The following SPATA17 variants were observed in gnomAD, a reference collection of about 807,000 sequenced individuals.
The protein encoded by SPATA17 is spermatogenesis-associated protein 17.
SPATA17 carries 53 observed loss-of-function variants against 62.2 expected under a neutral mutation model. The observed-to-expected ratio is 0.85, with a 90% CI of 0.68 to 1.07. The LOEUF is 1.07. Ranked by LOEUF, SPATA17 falls within the 50% of genes least tolerant of loss-of-function variation. The pLI, the probability that SPATA17 is intolerant of heterozygous loss-of-function variation, is 0.00. For missense variants in SPATA17, 466 were observed against 425.5 expected (o/e 1.10, Z -0.84); for synonymous variants, 146 against 146.8 (o/e 0.99, Z 0.04).
At chr1:217,664,289 CTTTT>C (rs34166363) in intron 3 of SPATA17, among the ~76,000 whole-genome samples, 12 of 75,794 alleles carry the variant, frequency 1.6e-4, no homozygotes, top group Admixed American at 2.9e-4. Flanking sequence ...TGTTAAAAAT[CTTTT>C]TTTTTTTTTT....
intron 5 of SPATA17, among the ~76,000 whole-genome samples, chr1:217,735,456 A>G (rs540569141): frequency 7.5e-4 from 114 of 152,206 alleles, no homozygotes; most frequent in African/African-American, 2.6e-3. Flanking sequence ...CAAAGGCCCC[A>G]CCTCCAAATG....
chr1:217,723,304 G>A (rs920738386), intron 5 of SPATA17, among the ~76,000 whole-genome samples: 4 of 152,112 alleles, frequency 2.6e-5, no homozygotes, highest in African/African-American at 7.2e-5. Flanking sequence ...GAATACATGT[G>A]TTGGGTCCCC....
intron 1 of SPATA17, among the ~76,000 whole-genome samples, chr1:217,633,607 T>C (rs568204544): frequency 4.6e-5 from 7 of 152,312 alleles, no homozygotes; most frequent in African/African-American, 1.7e-4. Flanking sequence ...AACAAAATTT[T>C]CTTCCCATTA....
At chr1:217,853,700 T>G (rs1303837002) in intron 9 of SPATA17, among the ~76,000 whole-genome samples, 1 of 152,174 alleles carries the variant, frequency 6.6e-6, no homozygotes, top group Non-Finnish European at 1.5e-5. Flanking sequence ...TGGTCAACAT[T>G]TTTGCCAACC....
At position 217,774,356 on chromosome 1, in the gene SPATA17, C is replaced by G; in HGVS notation, c.542C>G (p.Pro181Arg). 1.2e-6 allele frequency: 2 copies of G among 1,613,662 alleles called. No homozygotes were observed. Among genetic ancestry groups the G allele is most frequent in the Non-Finnish European group, 1.7e-6 (2 of 1,179,806 alleles). ...TAGATTCCAGGAATATACAATTCAC[C>G]CTTCAGAAAAGAGCCTGATCCATGG... Reference protein sequence around the residue: ...TKQIPGIYNSPFRKEPDPWEL... With the variant: ...TKQIPGIYNSRFRKEPDPWEL... Residue 181 changes from proline to arginine, a missense_variant, in exon 7 of 11, where the codon CCC becomes CGC. Coordinates refer to ENST00000366933, the MANE Select transcript of SPATA17 (RefSeq NM_138796.4).
At chr1:217,849,003 C>A (rs1414601357) in intron 9 of SPATA17, among the ~76,000 whole-genome samples, 1 of 152,032 alleles carries the variant, frequency 6.6e-6, no homozygotes, top group Non-Finnish European at 1.5e-5. Context: ...TTTAAAATAG[C>A]AGCTTGTACT....
chr1:217,764,291 G>C (rs1470134764), intron 6 of SPATA17, among the ~76,000 whole-genome samples: 1 of 152,074 alleles, frequency 6.6e-6, no homozygotes, highest in East Asian at 1.9e-4. Context: ...TTTACTATCT[G>C]TCTCCAGAGT....
intron 5 of SPATA17, among the ~76,000 whole-genome samples, chr1:217,689,130 C>A (rs748101639): frequency 2.7e-4 from 40 of 150,734 alleles, no homozygotes; most frequent in African/African-American, 9.5e-4. Context: ...ATGATTAACA[C>A]GGTAGATTCG....
At chr1:217,851,351 G>A (rs1350808865) in intron 9 of SPATA17, among the ~76,000 whole-genome samples, 1 of 151,680 alleles carries the variant, frequency 6.6e-6, no homozygotes, top group Non-Finnish European at 1.5e-5. Flanking sequence ...GAGTAAGAAA[G>A]CTCCAGGTTC....
chr1:217,719,619 T>C lies in SPATA17; in HGVS notation c.396-22356T>C, dbSNP rs4271274. ...AGTCAGGAGACAAAATCCACACCAG[T>C]AATTTGAACTGAGAAAATATAATAT... On this transcript the variant is annotated intron_variant, in intron 5 of 10. Coordinates refer to ENST00000366933, the MANE Select transcript of SPATA17 (RefSeq NM_138796.4). 2.8e-3 allele frequency among the ~76,000 whole-genome samples: 428 copies of C among 152,310 alleles called. 2 individuals carry two copies. The highest frequency in any genetic ancestry group is 0.01 in the African/African-American group (419 of 41,572).
rs1399640751 is a variant in SPATA17 at position 217,648,912 on chromosome 1, T to G, written c.99T>G (p.Asn33Lys). 6.2e-7 allele frequency: 1 copy of G among 1,609,610 alleles called. No homozygotes were observed. The highest frequency in any genetic ancestry group is 2.2e-5 in the East Asian group (1 of 44,614). ...TAGATCCATTTAGAAAAAAGGAGAA[T>G]GATGCAGCAGTTAAAATCCAAAGCT... is the stretch of plus-strand genomic sequence containing the variant. ...SVVDPFRKKE[N>K]DAAVKIQSWF... Residue 33 changes from asparagine (N) to lysine (K), a missense_variant, in exon 2 of 11, where the codon AAT becomes AAG. Physicochemically the swap from Asn to Lys is moderately conservative, Grantham distance 94. Transcript: ENST00000366933.
At chr1:217,701,787 A>G (rs540558189) in intron 5 of SPATA17, among the ~76,000 whole-genome samples, 1 of 151,992 alleles carries the variant, frequency 6.6e-6, no homozygotes, top group South Asian at 2.1e-4. Context: ...TATTTTCTTT[A>G]TACTCTTTCG....
chr1:217,746,583 C>G (rs11586629), intron 6 of SPATA17, among the ~76,000 whole-genome samples: 80,950 of 150,956 alleles, frequency 0.54, 22,608 homozygotes, highest in Non-Finnish European at 0.62. Flanking sequence ...AATAATTTTA[C>G]GATGATTATG....
At chr1:217,705,543 C>T (rs1397071642) in intron 5 of SPATA17, among the ~76,000 whole-genome samples, 1 of 137,136 alleles carries the variant, frequency 7.3e-6, no homozygotes, top group East Asian at 2.3e-4. Flanking sequence ...CAGGTTCAAG[C>T]AATTCTCCTG....
intron 5 of SPATA17, among the ~76,000 whole-genome samples, chr1:217,690,048 G>T (rs1330027135): frequency 6.6e-6 from 1 of 151,930 alleles, no homozygotes; most frequent in East Asian, 1.9e-4. Context: ...GCTGACAGGT[G>T]TGCGCCACCA....
chr1:217,798,980 G>A (rs1447056492), intron 8 of SPATA17, among the ~76,000 whole-genome samples: 2 of 150,546 alleles, frequency 1.3e-5, no homozygotes. Context: ...ATTAAAAACT[G>A]GTAAAAGAAT....
intron 5 of SPATA17, among the ~76,000 whole-genome samples, chr1:217,734,382 T>C (rs1672464217): frequency 6.6e-6 from 1 of 152,134 alleles, no homozygotes; most frequent in Non-Finnish European, 1.5e-5. Flanking sequence ...TTGTTTAATT[T>C]TTTGGAGACA....
intron 1 of SPATA17, among the ~76,000 whole-genome samples, chr1:217,645,432 C>G (rs1208445988): frequency 6.6e-6 from 1 of 151,990 alleles, no homozygotes; most frequent in Non-Finnish European, 1.5e-5. Flanking sequence ...GTCTATGTGC[C>G]TTACTCATAT....
intron 6 of SPATA17, among the ~76,000 whole-genome samples, chr1:217,745,620 C>T (rs1055320376): frequency 2.6e-5 from 4 of 152,020 alleles, no homozygotes; most frequent in African/African-American, 9.7e-5. Flanking sequence ...ATATAATAAA[C>T]ATGAATCTTA....
Sources: gnomAD v4.1 joint callset for allele counts (sites outside exome capture counted in the v4.1 genomes callset) on GRCh38, gnomAD v4.1.1 for gene constraint, MANE v1.5 for transcripts, NCBI Gene and HGNC (gene_info 2026-07-23, HGNC 2026-07-21) for gene names.